Variants in TMEM39B observed in about 807,000 individuals in gnomAD.
The protein encoded by TMEM39B is transmembrane protein 39B.
TMEM39B carries 23 observed loss-of-function variants against 52.2 expected under a neutral mutation model. The ratio of observed to expected loss-of-function variants is 0.44; its 90% CI spans 0.32 to 0.62. TMEM39B has a LOEUF of 0.62. Ranked by LOEUF, TMEM39B falls within the 20% of genes least tolerant of loss-of-function variation. The probability of loss-of-function intolerance (pLI) is 0.06; values close to 1 mark genes in which losing one functional copy is unlikely to be tolerated. For synonymous variants in TMEM39B, 285 were observed against 264.0 expected, an observed-to-expected ratio of 1.08 and a Z score of -0.77; for missense variants, 547 against 642.0, an observed-to-expected ratio of 0.85 and a Z score of 1.60.
In TMEM39B at chr1:32,101,334, T is replaced by G. The variant is rs1410725936; in HGVS notation, c.1236+772T>G. On this transcript the variant is annotated intron_variant, in intron 8 of 8. Transcript: ENST00000336294. Reference sequence around the variant, plus strand: ...CTTCTTGGGAAACTTGAGAACCTAATGGTAATGACTCATGACTTAGCTATG... The same window carrying G: ...CTTCTTGGGAAACTTGAGAACCTAAGGGTAATGACTCATGACTTAGCTATG... Among the ~76,000 whole-genome samples the G allele has an allele frequency of 2.0e-5, 3 of 152,108 alleles. No individual in the cohort carries two copies. The South Asian group carries it at 6.2e-4, about 32-fold the overall frequency.
chr1:32,088,465 C>T (rs561853528), intron 5 of TMEM39B, among the ~76,000 whole-genome samples: 1 of 151,826 alleles, frequency 6.6e-6, no homozygotes, highest in Non-Finnish European at 1.5e-5. Flanking sequence ...TGTTGGAAAG[C>T]GATGCTCTAG....
rs537694453 is a variant in TMEM39B, at chr1:32,099,388, G to C, written c.1116-1054G>C. Among the ~76,000 whole-genome samples the C allele has an allele frequency of 1.2e-3, 178 of 152,252 alleles. 1 individual carries two copies. The highest frequency in any genetic ancestry group is 2.3e-3 in the Non-Finnish European group (159 of 68,016). ...TGTAAATGACGAGTTAATGGGTGCA[G>C]CACACCAATGTGGCACATGTATACA... is the stretch of plus-strand genomic sequence containing the variant. On this transcript the variant is annotated intron_variant, in intron 7 of 8. Transcript: ENST00000336294.
chr1:32,092,092 GC>G, intron 6 of TMEM39B, 81 bp downstream of exon 6: 1 of 1,284,072 alleles, frequency 7.8e-7, no homozygotes, highest in Admixed American at 2.1e-5. Flanking sequence ...TCTCCTGCTG[GC>G]CTAACTATGC....
chr1:32,075,123 CG>C, intron 2 of TMEM39B, 46 bp downstream of exon 2: 2 of 1,524,936 alleles, frequency 1.3e-6, no homozygotes, highest in Non-Finnish European at 1.8e-6. Flanking sequence ...CTCACAGGGA[CG>C]ATGTGGACAG....
intron 1 of TMEM39B, 92 bp downstream of exon 1, chr1:32,073,143 G>C (rs1639704418): frequency 7.4e-7 from 1 of 1,354,546 alleles, no homozygotes; most frequent in Non-Finnish European, 9.6e-7. Flanking sequence ...GCGGACAGGA[G>C]CCCGGTGACG....
At position 32,075,648 on chromosome 1, in the gene TMEM39B, A is replaced by T; in HGVS notation, c.177A>T (p.Gln59His). 1.9e-6 allele frequency: 3 copies of T among 1,551,642 alleles called. No homozygotes were observed. Among genetic ancestry groups the T allele is most frequent in the Non-Finnish European group, 2.6e-6 (3 of 1,147,012 alleles). ...TCTCCAGCCCTCCTCTGGCCACCCAAACTGTTGTGCCTCTACAGCACTGCA... is the reference window on the plus strand; with the variant it reads ...TCTCCAGCCCTCCTCTGGCCACCCATACTGTTGTGCCTCTACAGCACTGCA... ...TGLSSPPLAT[Q>H]TVVPLQHCKI... The change falls in exon 3 of 9, where the codon CAA (glutamine) becomes CAT (histidine). Residue 59 changes from glutamine (Q) to histidine (H), a missense_variant. Gln to His is a conservative substitution (Grantham distance 24, BLOSUM62 0). Coordinates refer to ENST00000336294, the MANE Select transcript of TMEM39B (RefSeq NM_018056.4).
At chr1:32,075,843 T>TGTGTGTGTGTGTGTGTGTGTGC in intron 3 of TMEM39B, 21 bp downstream of exon 3, 3 of 1,030,864 alleles carry the variant, frequency 2.9e-6, no homozygotes, top group Non-Finnish European at 3.9e-6. Flanking sequence ...AACAAGGGTG[T>TGTGTGTGTGTGTGTGTGTGTGC]GTGTGTGTGT....
upstream of TMEM39B, chr1:32,072,375 G>C (rs547145919): frequency 1.3e-5 from 2 of 152,202 alleles, no homozygotes; most frequent in Non-Finnish European, 2.9e-5. Flanking sequence ...CAGCCTCATC[G>C]TAAAGCATAA....
chr1:32,084,905 C>G (rs770357168), intron 5 of TMEM39B, among the ~76,000 whole-genome samples: 2 of 152,104 alleles, frequency 1.3e-5, no homozygotes, highest in African/African-American at 2.4e-5. Context: ...ATTCTCAGAA[C>G]TTTTGCAGTT....
At chr1:32,079,407 A>G (rs1410130120) in intron 5 of TMEM39B, among the ~76,000 whole-genome samples, 1 of 151,628 alleles carries the variant, frequency 6.6e-6, no homozygotes, top group African/African-American at 2.4e-5. Context: ...GATGGTCTCA[A>G]TCTCCTGACC....
At chr1:32,102,136 AAG>A (rs1222173766) in intron 8 of TMEM39B, among the ~76,000 whole-genome samples, 3 of 152,156 alleles carry the variant, frequency 2.0e-5, no homozygotes, top group Admixed American at 6.6e-5. Flanking sequence ...AGACCACAAA[AAG>A]AGTTTGAGAG....
intron 5 of TMEM39B, 38 bp from the exon 6 acceptor site, chr1:32,091,637 A>T: frequency 6.5e-7 from 1 of 1,550,222 alleles, no homozygotes; most frequent in East Asian, 2.3e-5. Context: ...ATCCTGGCCC[A>T]TGGGCAGGCC....
intron 5 of TMEM39B, among the ~76,000 whole-genome samples, chr1:32,085,500 C>A (rs1640304563): frequency 6.6e-6 from 1 of 152,142 alleles, no homozygotes; most frequent in African/African-American, 2.4e-5. Flanking sequence ...CGCCAGTAAT[C>A]CCTGCACTTT....
At chr1:32,087,129 A>ATCT (rs1431211524) in intron 5 of TMEM39B, 1 of 152,060 alleles carries the variant, frequency 6.6e-6, no homozygotes, top group Non-Finnish European at 1.5e-5. Flanking sequence ...AAAGTAAAAC[A>ATCT]TCTCAAAATA....
chr1:32,092,223 C>T (rs1192540850), intron 6 of TMEM39B, among the ~76,000 whole-genome samples: 1 of 152,152 alleles, frequency 6.6e-6, no homozygotes, highest in Non-Finnish European at 1.5e-5. Flanking sequence ...GTGGCACAAT[C>T]ATGGGTCACT....
intron 5 of TMEM39B, among the ~76,000 whole-genome samples, chr1:32,078,140 G>T (rs1639943696): frequency 6.6e-6 from 1 of 152,110 alleles, no homozygotes; most frequent in Admixed American, 6.6e-5. Flanking sequence ...AAAGGCACTG[G>T]CATGGGAGCC....
intron 7 of TMEM39B, among the ~76,000 whole-genome samples, chr1:32,097,909 G>A (rs1640872483): frequency 6.6e-6 from 1 of 152,066 alleles, no homozygotes; most frequent in Non-Finnish European, 1.5e-5. Context: ...TGAGATTACA[G>A]GCGTGAGCCA....
At chr1:32,083,409 C>CTTTTTTTTTTT (rs1052027069) in intron 5 of TMEM39B, among the ~76,000 whole-genome samples, 4 of 54,626 alleles carry the variant, frequency 7.3e-5, no homozygotes, top group Admixed American at 2.2e-4. Flanking sequence ...TAAAGGACTT[C>CTTTTTTTTTTT]TTTTTTTTTT....
Position 32,091,924 on chromosome 1 carries a change from G to A in TMEM39B, c.840G>A (p.Met280Ile). The A allele has an allele frequency of 1.9e-6, 3 of 1,614,206 alleles. No individual in the cohort carries two copies. The highest frequency in any genetic ancestry group is 2.5e-6 in the Non-Finnish European group (3 of 1,180,030). Residue 280 changes from methionine to isoleucine, a missense_variant, in exon 6 of 9, where the codon ATG (methionine) becomes ATA (isoleucine). By Grantham distance (10) the Met-to-Ile change is conservative (BLOSUM62 1). Transcript: ENST00000336294. ...GCAGTGAGGTGGAGTTCCTCAAGAT[G>A]GACTTCAACTGGCGCATGAAGGAAG... ...LIRSEVEFLKMDFNWRMKEVL... is the reference protein window; with the variant it reads ...LIRSEVEFLKIDFNWRMKEVL...
Sources: gnomAD v4.1 joint callset for allele counts (sites outside exome capture counted in the v4.1 genomes callset) on GRCh38, gnomAD v4.1.1 for gene constraint, MANE v1.5 for transcripts, NCBI Gene and HGNC (gene_info 2026-07-23, HGNC 2026-07-21) for gene names.